The following MPC2 variants were observed in gnomAD, a reference collection of about 807,000 sequenced individuals.
The protein encoded by MPC2 is mitochondrial pyruvate carrier 2.
In MPC2, 19 loss-of-function variants were observed where a neutral mutation model predicts 19.2. The observed-to-expected ratio is 0.99, with a 90% CI of 0.69 to 1.45. The LOEUF (loss-of-function observed/expected upper bound fraction) is 1.45, where lower values mean the gene tolerates loss of function less well. MPC2 is among the 40% of genes most tolerant of loss of function. MPC2 has a pLI of 0.00. For missense variants in MPC2, 122 were observed against 153.0 expected (o/e 0.80, Z 1.07); for synonymous variants, 61 against 54.3 (o/e 1.12, Z -0.54).
At chr1:167,929,072 A>G (rs567693704) in intron 2 of MPC2, among the ~76,000 whole-genome samples, 2 of 152,202 alleles carry the variant, frequency 1.3e-5, no homozygotes, top group Non-Finnish European at 2.9e-5. Flanking sequence ...ATGTCTATAC[A>G]TTTAGGCCGG....
At chr1:167,924,333 G>T in intron 3 of MPC2, 164 bp downstream of exon 3, 1 of 506,648 alleles carries the variant, frequency 2.0e-6, no homozygotes, top group Non-Finnish European at 3.4e-6. Context: ...GTAGATAGTT[G>T]CTTTATGTAG....
At chr1:167,932,876 TTATTTCTTTGAC>T (rs1670950489) in intron 2 of MPC2, among the ~76,000 whole-genome samples, 1 of 149,148 alleles carries the variant, frequency 6.7e-6, no homozygotes, top group South Asian at 2.1e-4. Context: ...AACTTCAAGA[TTATTTCTTTGAC>T]AAACACTGGA....
intron 3 of MPC2, 51 bp from the exon 4 acceptor site, chr1:167,920,682 A>T (rs1391314742): frequency 6.5e-7 from 1 of 1,543,932 alleles, no homozygotes; most frequent in African/African-American, 1.4e-5. Context: ...GTGGAGTAAT[A>T]GTTTTAACTT....
At chr1:167,928,685 T>A (rs1456156556) in intron 2 of MPC2, among the ~76,000 whole-genome samples, 1 of 152,238 alleles carries the variant, frequency 6.6e-6, no homozygotes, top group African/African-American at 2.4e-5. Flanking sequence ...AGGCTTATGT[T>A]CTGTACAATG....
At chr1:167,931,377 G>A (rs1670905079) in intron 2 of MPC2, among the ~76,000 whole-genome samples, 1 of 151,874 alleles carries the variant, frequency 6.6e-6, no homozygotes, top group Non-Finnish European at 1.5e-5. Context: ...CAACCTTCTT[G>A]GTAGCTGATT....
chr1:167,936,868 C>A (rs1204859309), intron 1 of MPC2, 71 bp downstream of exon 1: 89 of 1,261,658 alleles, frequency 7.1e-5, no homozygotes, highest in Non-Finnish European at 9.1e-5. Flanking sequence ...CTCCTCCCCT[C>A]CCCCACGCGG....
At chr1:167,922,371 T>G (rs1670623229) in intron 3 of MPC2, among the ~76,000 whole-genome samples, 2 of 152,080 alleles carry the variant, frequency 1.3e-5, no homozygotes, top group Non-Finnish European at 2.9e-5. Flanking sequence ...ATCAATAAAC[T>G]CCTAAACTGT....
rs1157354475 is a variant in MPC2, at chr1:167,917,392, A to G, written c.*931T>C. 2.0e-5 allele frequency: 3 copies of G among 152,332 alleles called. No homozygotes were observed. The highest frequency in any genetic ancestry group is 7.2e-5 in the African/African-American group (3 of 41,424). 9.4% of individuals were successfully genotyped at this position (152,332 alleles called of 1,614,324 possible). ...GGCGGGCAGATCACCTGAGCCCAGG[A>G]GTTCGAGACCAGCCTGGGCAACATG... On this transcript the variant is annotated 3_prime_UTR_variant, in exon 6 of 6. Coordinates refer to ENST00000271373, the MANE Select transcript of MPC2 (RefSeq NM_001143674.4).
intron 1 of MPC2, 110 bp downstream of exon 1, chr1:167,936,829 T>TCGGGTGTTGAAA (rs1469708326): frequency 7.2e-6 from 9 of 1,254,750 alleles, no homozygotes; most frequent in African/African-American, 3.0e-5. Context: ...CCGGTGCGGC[T>TCGGGTGTTGAAA]CGGGTGTTGA....
At position 167,924,526 on chromosome 1, in the gene MPC2, C is replaced by A; in HGVS notation, c.121G>T (p.Val41Phe). The change falls in exon 3 of 6, where the codon GTT becomes TTT. Residue 41 changes from valine to phenylalanine, a missense_variant. Val to Phe is a conservative substitution (Grantham distance 50, BLOSUM62 -1). Coordinates refer to ENST00000271373, the MANE Select transcript of MPC2 (RefSeq NM_001143674.4). ...LYNHPAGPRT[V>F]FFWAPIMKWG... The stretch of plus-strand genomic sequence containing the variant: ...TTCATAATTGGAGCCCAGAAGAAAA[C>A]TGTTCTGGGACCTGAAAAAAAAAAG... 1 of 1,574,150 alleles carries A rather than the reference C, an allele frequency of 6.4e-7. No homozygotes were observed. Among genetic ancestry groups the A allele is most frequent in the Non-Finnish European group, 8.6e-7 (1 of 1,162,838 alleles).
In MPC2 at chr1:167,936,706, G is replaced by A. The variant is rs188299864; in HGVS notation, c.-58+233C>T. On this transcript the variant is annotated intron_variant, in intron 1 of 5. Coordinates refer to ENST00000271373, the MANE Select transcript of MPC2 (RefSeq NM_001143674.4). Reference sequence around the variant, plus strand: ...TTGGATGTTCTGGTTAGTCTAAGAAGGAGAGTATGAGGCGAGCTCCGGCCC... The same window carrying A: ...TTGGATGTTCTGGTTAGTCTAAGAAAGAGAGTATGAGGCGAGCTCCGGCCC... The A allele has an allele frequency of 2.1e-4, 120 of 575,010 alleles. No homozygotes were observed. The African/African-American group carries it at 2.1e-3, about 10-fold the overall frequency. 35.6% of individuals were successfully genotyped at this position (575,010 alleles called of 1,614,324 possible). A position where few individuals can be genotyped will look rare whatever the true frequency, so the allele number is the denominator to read the frequency against.
chr1:167,925,750 T>C (rs2102542580), intron 2 of MPC2, among the ~76,000 whole-genome samples: 1 of 151,982 alleles, frequency 6.6e-6, no homozygotes, highest in East Asian at 1.9e-4. Context: ...GGTTTCACCA[T>C]GTTGGCCAGG....
In MPC2 at chr1:167,925,472, T is replaced by TATATATATAC. The variant is rs1557854114; in HGVS notation, c.110-936_110-935insGTATATATAT. 2.9e-5 allele frequency among the ~76,000 whole-genome samples: 3 copies of TATATATATAC among 102,042 alleles called. No homozygotes were observed. The South Asian group carries it at 8.5e-4, about 29-fold the overall frequency. The allele number at this position is 102,042 out of a possible 152,430, so 66.9% of individuals were successfully genotyped here. A position where few individuals can be genotyped will look rare whatever the true frequency, so the allele number is the denominator to read the frequency against. On this transcript the variant is annotated intron_variant, in intron 2 of 5. Coordinates refer to ENST00000271373, the MANE Select transcript of MPC2 (RefSeq NM_001143674.4). ...ATATATATATATATATATATATATA[T>TATATATATAC]ATACATATACATATACACACACATA...
At chr1:167,934,186 A>C (rs1047675080) in intron 2 of MPC2, among the ~76,000 whole-genome samples, 2 of 152,244 alleles carry the variant, frequency 1.3e-5, no homozygotes, top group Non-Finnish European at 2.9e-5. Flanking sequence ...TATTTTAAGC[A>C]GTAATTACAG....
chr1:167,925,520 G>GTT (rs1445044047), intron 2 of MPC2, among the ~76,000 whole-genome samples: 2 of 71,938 alleles, frequency 2.8e-5, no homozygotes, highest in African/African-American at 1.1e-4. Flanking sequence ...TACAAACAAC[G>GTT]TTTTTTTTTT....
chr1:167,919,915 A>AC (rs1171845725), intron 5 of MPC2, 64 bp downstream of exon 5: 1 of 1,275,118 alleles, frequency 7.8e-7, no homozygotes, highest in African/African-American at 1.5e-5. Flanking sequence ...CTCAAAAAAA[A>AC]AAAAAATTAG....
chr1:167,921,380 C>T (rs956563165), intron 3 of MPC2, among the ~76,000 whole-genome samples: 19 of 152,002 alleles, frequency 1.2e-4, no homozygotes, highest in Non-Finnish European at 1.5e-5. Context: ...TGCCAATATG[C>T]CTGGCTAATT....
intron 3 of MPC2, among the ~76,000 whole-genome samples, chr1:167,923,094 A>ATTG (rs1483856100): frequency 6.6e-5 from 10 of 152,194 alleles, no homozygotes; most frequent in African/African-American, 2.4e-4. Context: ...AAATTAGAAC[A>ATTG]CTTATGAATT....
At chr1:167,920,521 A>G in intron 4 of MPC2, 26 bp downstream of exon 4, 1 of 1,606,686 alleles carries the variant, frequency 6.2e-7, no homozygotes, top group Non-Finnish European at 8.5e-7. Flanking sequence ...TCTACAAGAA[A>G]CACAGAAGAT....
Sources: allele counts gnomAD v4.1 joint callset (sites outside exome capture counted in the v4.1 genomes callset), GRCh38; gene constraint gnomAD v4.1.1; transcripts MANE v1.5; gene names NCBI Gene and HGNC (gene_info 2026-07-23, HGNC 2026-07-21).